Variants in EBF3 observed in about 807,000 individuals in gnomAD.
EBF3 encodes EBF transcription factor 3.
EBF3 carries 18 observed loss-of-function variants against 77.1 expected under a neutral mutation model. The observed-to-expected ratio is 0.23, with a 90% CI of 0.16 to 0.35. The LOEUF is 0.35. Among genes scored for constraint, EBF3 ranks in the 10% least tolerant of loss-of-function variants. The probability of loss-of-function intolerance (pLI) is 1.00; values close to 1 mark genes in which losing one functional copy is unlikely to be tolerated. For synonymous variants in EBF3, 350 were observed against 343.5 expected, an observed-to-expected ratio of 1.02 and a Z score of -0.21; for missense variants, 558 against 860.0, an observed-to-expected ratio of 0.65 and a Z score of 4.39.
intron 6 of EBF3, among the ~76,000 whole-genome samples, chr10:129,933,731 T>G (rs1175816222): frequency 6.6e-6 from 1 of 152,226 alleles, no homozygotes; most frequent in Non-Finnish European, 1.5e-5. Context: ...GGGGCTCCTC[T>G]GTGATCTACA....
At chr10:129,849,387 G>A (rs779810455) in intron 10 of EBF3, among the ~76,000 whole-genome samples, 7 of 152,154 alleles carry the variant, frequency 4.6e-5, no homozygotes, top group Non-Finnish European at 7.4e-5. Context: ...GAGGTTTTTC[G>A]GAGACTAATA....
chr10:129,932,617 C>T (rs1398912237), intron 6 of EBF3, among the ~76,000 whole-genome samples: 1 of 152,230 alleles, frequency 6.6e-6, no homozygotes, highest in Non-Finnish European at 1.5e-5. Flanking sequence ...TGTAGCTCCA[C>T]GTGCCTGTGA....
chr10:129,870,068 G>A lies in EBF3; in HGVS notation c.782-2156C>T, dbSNP rs2134092247. Reference sequence around the variant, plus strand: ...AAAAAGAATCCAGGATCTACTGCATGCACAAGAGACTGCTATCTGGCAGCT... The same window carrying A: ...AAAAAGAATCCAGGATCTACTGCATACACAAGAGACTGCTATCTGGCAGCT... On this transcript the variant is annotated intron_variant, in intron 8 of 16. Transcript: ENST00000440978. This position sits in a 1 kb window ranked among gnomAD's most constrained non-coding sequence, Gnocchi z 4.4. Among the ~76,000 whole-genome samples the A allele has an allele frequency of 6.6e-6, 1 of 152,178 alleles. No homozygotes were observed. Among genetic ancestry groups the A allele is most frequent in the South Asian group, 2.1e-4 (1 of 4,828 alleles).
chr10:129,865,091 G>A (rs1484223166), intron 10 of EBF3, among the ~76,000 whole-genome samples: 3 of 152,144 alleles, frequency 2.0e-5, no homozygotes, highest in Non-Finnish European at 4.4e-5. Context: ...GATGTGCCAA[G>A]GGACTCAGGG....
intron 6 of EBF3, among the ~76,000 whole-genome samples, chr10:129,918,562 C>A (rs1288779439): frequency 1.3e-5 from 2 of 152,236 alleles, no homozygotes; most frequent in Non-Finnish European, 1.5e-5. Context: ...CTCCTCCGCA[C>A]CACCAACCTG....
At chr10:129,889,463 T>C (rs1339578505) in intron 6 of EBF3, among the ~76,000 whole-genome samples, 31 of 152,214 alleles carry the variant, frequency 2.0e-4, no homozygotes, top group Admixed American at 2.0e-3. Context: ...CCCACTGATA[T>C]GTGGGCTCTG....
chr10:129,911,344 C>A (rs1296625619), intron 6 of EBF3, among the ~76,000 whole-genome samples: 2 of 152,216 alleles, frequency 1.3e-5, no homozygotes, highest in African/African-American at 4.8e-5. Context: ...ACAGCCCAAG[C>A]CTTGGCTTAG....
rs1851763177 is a variant in EBF3, at chr10:129,863,229, T to C, written c.1039+3912A>G. ...TACAACAGGGTGAGGCACATGGGAATACAAAGAACCAGTATGGAAGCGCTG... is the reference window on the plus strand; with the variant it reads ...TACAACAGGGTGAGGCACATGGGAACACAAAGAACCAGTATGGAAGCGCTG... On this transcript the variant is annotated intron_variant, in intron 10 of 16. Coordinates refer to ENST00000440978, the MANE Select transcript of EBF3 (RefSeq NM_001375380.1). The surrounding 1 kb of genome is among the most constrained non-coding windows in gnomAD (Gnocchi z 4.0). Among the ~76,000 whole-genome samples, 1 of 152,210 alleles carries C rather than the reference T, an allele frequency of 6.6e-6. No homozygotes were observed. The highest frequency in any genetic ancestry group is 2.4e-5 in the African/African-American group (1 of 41,460).
At chr10:129,888,192 G>A (rs182746679) in intron 6 of EBF3, among the ~76,000 whole-genome samples, 12 of 152,282 alleles carry the variant, frequency 7.9e-5, no homozygotes, top group East Asian at 5.8e-4. Context: ...TTTTCCTGTC[G>A]GGGAGCAGCA....
At position 129,952,131 on chromosome 10, in the gene EBF3, A is replaced by C. The variant is rs1399594517; in HGVS notation, c.554+5127T>G. On this transcript the variant is annotated intron_variant, in intron 6 of 16. Coordinates refer to ENST00000440978, the MANE Select transcript of EBF3 (RefSeq NM_001375380.1). This position sits in a 1 kb window ranked among gnomAD's most constrained non-coding sequence, Gnocchi z 4.7. Reference sequence around the variant, plus strand: ...TTCACTGAAGGCCCAATGTATTAAAACAGACCCTGAACCAAAGAGCATCTC... The same window carrying C: ...TTCACTGAAGGCCCAATGTATTAAACCAGACCCTGAACCAAAGAGCATCTC... Among the ~76,000 whole-genome samples the C allele has an allele frequency of 6.6e-6, 1 of 152,234 alleles. No homozygotes were observed. The highest frequency in any genetic ancestry group is 1.9e-4 in the East Asian group (1 of 5,192).
intron 10 of EBF3, among the ~76,000 whole-genome samples, chr10:129,858,128 C>G (rs1851381151): frequency 6.6e-6 from 1 of 152,202 alleles, no homozygotes; most frequent in Non-Finnish European, 1.5e-5. Flanking sequence ...AGGGCATGGC[C>G]TGGAACCCAG....
chr10:129,865,011 G>C (rs2134063856), intron 10 of EBF3, among the ~76,000 whole-genome samples: 1 of 152,340 alleles, frequency 6.6e-6, no homozygotes, highest in East Asian at 1.9e-4. Context: ...ACAGGAGTAA[G>C]CATATGCCCA....
intron 6 of EBF3, among the ~76,000 whole-genome samples, chr10:129,887,510 A>G (rs1284943232): frequency 6.6e-6 from 1 of 152,224 alleles, no homozygotes; most frequent in Non-Finnish European, 1.5e-5. Flanking sequence ...GAAAATGTCA[A>G]ATCAAGAAAA....
At chr10:129,865,189 A>G (rs1372745274) in intron 10 of EBF3, among the ~76,000 whole-genome samples, 2 of 152,170 alleles carry the variant, frequency 1.3e-5, no homozygotes, top group African/African-American at 4.8e-5. Flanking sequence ...AAGGTGCCAG[A>G]AAGGACCCCC....
intron 6 of EBF3, among the ~76,000 whole-genome samples, chr10:129,906,015 A>G (rs1178185804): frequency 2.0e-5 from 3 of 152,246 alleles, no homozygotes; most frequent in Non-Finnish European, 2.9e-5. Flanking sequence ...AGAATGGTGA[A>G]TAAAAGCAGC....
chr10:129,955,735 G>A (rs895335850), intron 6 of EBF3, among the ~76,000 whole-genome samples: 1 of 152,192 alleles, frequency 6.6e-6, no homozygotes, highest in African/African-American at 2.4e-5. Flanking sequence ...CTTCATCATT[G>A]TGGCATGCTA....
At chr10:129,888,971 G>A (rs1034435004) in intron 6 of EBF3, among the ~76,000 whole-genome samples, 2 of 152,220 alleles carry the variant, frequency 1.3e-5, no homozygotes, top group Non-Finnish European at 2.9e-5. Context: ...GCACAGGCCA[G>A]AGGCGTGACA....
rs989112229 is a variant in EBF3 at position 129,841,803 on chromosome 10, G to C, written c.1372+313C>G. Among the ~76,000 whole-genome samples the C allele has an allele frequency of 6.6e-6, 1 of 152,116 alleles. No homozygotes were observed. Among genetic ancestry groups the C allele is most frequent in the Non-Finnish European group, 1.5e-5 (1 of 68,018 alleles). ...TAGGCCATGGCTATCCTATGGCTTA[G>C]CCCAGACTTCCAAGGAAAGCAAAGT... On this transcript the variant is annotated intron_variant, in intron 13 of 16. Coordinates refer to ENST00000440978, the MANE Select transcript of EBF3 (RefSeq NM_001375380.1). This position sits in a 1 kb window ranked among gnomAD's most constrained non-coding sequence, Gnocchi z 4.6.
intron 6 of EBF3, among the ~76,000 whole-genome samples, chr10:129,905,010 C>T (rs1855041507): frequency 6.6e-6 from 1 of 152,238 alleles, no homozygotes. Flanking sequence ...CATGAGATAA[C>T]CAGAAAGGGC....
Sources: gnomAD v4.1 joint callset for allele counts (sites outside exome capture counted in the v4.1 genomes callset) on GRCh38, gnomAD v4.1.1 for gene constraint, Gnocchi (gnomAD v3.1) non-coding constraint, MANE v1.5 for transcripts, NCBI Gene and HGNC (gene_info 2026-07-23, HGNC 2026-07-21) for gene names.